Variants in ANKS3 observed in about 807,000 individuals in gnomAD.
ANKS3 encodes the protein ankyrin repeat and SAM domain-containing protein 3.
ANKS3 carries 62 observed loss-of-function variants against 80.7 expected under a neutral mutation model. The observed-to-expected ratio is 0.77, with a 90% CI of 0.63 to 0.95. The LOEUF (loss-of-function observed/expected upper bound fraction) is 0.95. ANKS3 is among the 40% of genes least tolerant of loss of function. The pLI is 0.00. For synonymous variants in ANKS3, 489 were observed against 355.3 expected (o/e 1.38, Z -4.23); for missense variants, 1,150 against 883.6 (o/e 1.30, Z -3.82).
At position 4,724,655 on chromosome 16, in the gene ANKS3, T is replaced by C; in HGVS notation, c.573+95A>G. The C allele has an allele frequency of 3.3e-6, 4 of 1,215,896 alleles. No individual in the cohort carries two copies. The Admixed American group carries it at 6.3e-5, about 19-fold the overall frequency. The allele number at this position is 1,215,896 out of a possible 1,614,324, so 75.3% of individuals were successfully genotyped here. A position where few individuals can be genotyped will look rare whatever the true frequency, so the allele number is the denominator to read the frequency against. On this transcript the variant is annotated intron_variant, in intron 6 of 17. Transcript: ENST00000304283. ...TGAATAAATGAATGAAAGTTATTTC[T>C]GTGCAAAGGAAAATTCTGTAATAGC...
At chr16:4,709,232 C>G (rs1469513580) in intron 7 of ANKS3, among the ~76,000 whole-genome samples, 1 of 151,616 alleles carries the variant, frequency 6.6e-6, no homozygotes, top group Admixed American at 6.6e-5. Flanking sequence ...CATGGAGAAA[C>G]CCTGTCTCTC....
chr16:4,704,233 C>T (rs1437462418), intron 8 of ANKS3, among the ~76,000 whole-genome samples: 1 of 152,172 alleles, frequency 6.6e-6, no homozygotes, highest in Non-Finnish European at 1.5e-5. Flanking sequence ...GAAGTCTGCA[C>T]ATCTGCTTGT....
chr16:4,701,449 A>G lies in ANKS3; in HGVS notation c.1104T>C (p.Ser368=), dbSNP rs752446715. The change falls in exon 10 of 18, where the codon TCT becomes TCC. Residue 368 remains serine (S), a synonymous_variant. Transcript: ENST00000304283. The stretch of plus-strand genomic sequence containing the variant: ...GAATCCGTACCTCGTTGCTCTCCAC[A>G]GAAGCTTCGCTGCTGAGCCCCTGGG... ...ARAQGLSSEA[S]VESNEDSDHA... 5 of 1,607,160 alleles carry G rather than the reference A, an allele frequency of 3.1e-6. No homozygotes were observed. Among genetic ancestry groups the G allele is most frequent in the Non-Finnish European group, 4.3e-6 (5 of 1,175,678 alleles).
intron 9 of ANKS3, 57 bp from the exon 10 acceptor site, chr16:4,701,600 G>A: frequency 6.7e-7 from 1 of 1,495,786 alleles, no homozygotes; most frequent in Non-Finnish European, 9.0e-7. Flanking sequence ...GCTGCGCATG[G>A]GCGTGCCCCG....
chr16:4,717,281 G>A (rs907462877), intron 6 of ANKS3, among the ~76,000 whole-genome samples: 1 of 152,018 alleles, frequency 6.6e-6, no homozygotes, highest in Non-Finnish European at 1.5e-5. Context: ...GGGCACAGAG[G>A]CTCACACCTG....
chr16:4,709,914 G>C (rs537988358), intron 7 of ANKS3, among the ~76,000 whole-genome samples: 2 of 152,190 alleles, frequency 1.3e-5, no homozygotes, highest in East Asian at 1.9e-4. Context: ...GGGAGGCTGA[G>C]ATAGGAGGAT....
Position 4,696,895 on chromosome 16 carries a change from T to A in ANKS3, c.*13A>T. ...GGTGGACCAATCACCCAACGTCAGA[T>A]TCTGAAAGAAAAAGCCCCGGTGAGA... On this transcript the variant is annotated splice_region_variant and 3_prime_UTR_variant, in exon 18 of 18. Transcript: ENST00000304283. 1.1e-6 allele frequency: 1 copy of A among 899,410 alleles called. No homozygotes were observed. Among genetic ancestry groups the A allele is most frequent in the Non-Finnish European group, 1.7e-6 (1 of 575,284 alleles). 55.7% of individuals were successfully genotyped at this position (899,410 alleles called of 1,614,324 possible).
intron 13 of ANKS3, 61 bp downstream of exon 13, chr16:4,698,739 C>G: frequency 6.4e-7 from 1 of 1,554,548 alleles, no homozygotes; most frequent in South Asian, 1.2e-5. Context: ...CCTTTTCTGT[C>G]AGAGATGGAG....
intron 7 of ANKS3, among the ~76,000 whole-genome samples, chr16:4,707,624 A>G (rs1436961220): frequency 6.6e-6 from 1 of 152,206 alleles, no homozygotes; most frequent in Non-Finnish European, 1.5e-5. Flanking sequence ...CAGTGAATCT[A>G]TAACAAGTTA....
chr16:4,728,990 G>C (rs1339069458), intron 3 of ANKS3, among the ~76,000 whole-genome samples: 1 of 152,196 alleles, frequency 6.6e-6, no homozygotes, highest in Non-Finnish European at 1.5e-5. Flanking sequence ...CTGGGAACTG[G>C]AAGAGGCACG....
chr16:4,726,896 C>A, intron 4 of ANKS3, 83 bp downstream of exon 4: 1 of 1,602,622 alleles, frequency 6.2e-7, no homozygotes. Flanking sequence ...ACACGAACAC[C>A]GTGGCCTGCA....
chr16:4,705,302 T>C, intron 7 of ANKS3, 49 bp from the exon 8 acceptor site: 1 of 1,583,484 alleles, frequency 6.3e-7, no homozygotes, highest in Non-Finnish European at 8.6e-7. Flanking sequence ...AATGGACTCA[T>C]TTACTAATCC....
At chr16:4,721,434 C>A (rs1292322124) in intron 6 of ANKS3, among the ~76,000 whole-genome samples, 1 of 150,570 alleles carries the variant, frequency 6.6e-6, no homozygotes, top group African/African-American at 2.4e-5. Flanking sequence ...CGTGGCAAAA[C>A]CCCATCTCTA....
Position 4,714,104 on chromosome 16 carries a change from G to A in ANKS3, c.656C>T (p.Ala219Val), listed in dbSNP as rs2080645908. ...AGAGGGCGAGTAAGTGTCCATCAAGGCCACGATCTTCATGTGTCCGTACTG... is the reference window on the plus strand; with the variant it reads ...AGAGGGCGAGTAAGTGTCCATCAAGACCACGATCTTCATGTGTCCGTACTG... ...AKQYGHMKIV[A>V]LMDTYSPSLP... Residue 219 changes from alanine to valine, a missense_variant, in exon 7 of 18, where the codon GCC (alanine) becomes GTC (valine). Transcript: ENST00000304283. The A allele has an allele frequency of 6.2e-7, 1 of 1,614,194 alleles. No individual in the cohort carries two copies. Among genetic ancestry groups the A allele is most frequent in the Non-Finnish European group, 8.5e-7 (1 of 1,180,042 alleles).
intron 8 of ANKS3, among the ~76,000 whole-genome samples, chr16:4,703,230 A>G (rs772061543): frequency 8.5e-5 from 13 of 152,094 alleles, no homozygotes; most frequent in Non-Finnish European, 1.3e-4. Context: ...CTTCCACCTC[A>G]GCCTCTCATG....
chr16:4,723,254 A>G (rs2081193233), intron 6 of ANKS3, among the ~76,000 whole-genome samples: 1 of 152,144 alleles, frequency 6.6e-6, no homozygotes. Flanking sequence ...CATCACCACA[A>G]ACAATTTTAG....
intron 11 of ANKS3, chr16:4,700,468 G>C (rs968952147): frequency 4.2e-6 from 1 of 238,202 alleles, no homozygotes; most frequent in Non-Finnish European, 8.4e-6. Flanking sequence ...TCTCCTCTCC[G>C]TGCCTCTTCT....
chr16:4,697,430 G>T lies in ANKS3; in HGVS notation c.1811-14C>A. ...AGCCCTTGGAGTCTGTGGTGCAGGT[G>T]CAGGGACCGAGTTAGCTGGGGGTCT... On this transcript the variant is annotated splice_polypyrimidine_tract_variant and intron_variant, in intron 15 of 17. Coordinates refer to ENST00000304283, the MANE Select transcript of ANKS3 (RefSeq NM_133450.4). The T allele has an allele frequency of 6.3e-7, 1 of 1,584,896 alleles. No individual in the cohort carries two copies. Among genetic ancestry groups the T allele is most frequent in the Admixed American group, 1.8e-5 (1 of 56,086 alleles).
chr16:4,700,350 G>A (rs536461358), intron 11 of ANKS3: 13 of 157,600 alleles, frequency 8.2e-5, no homozygotes, highest in African/African-American at 2.4e-4. Flanking sequence ...CCAGGAGGAG[G>A]AGGTTGCAGT....
Sources: allele counts gnomAD v4.1 joint callset (sites outside exome capture counted in the v4.1 genomes callset), GRCh38; gene constraint gnomAD v4.1.1; transcripts MANE v1.5; gene names NCBI Gene and HGNC (gene_info 2026-07-23, HGNC 2026-07-21).